The following NEDD1 variants were observed in gnomAD, a reference collection of about 807,000 sequenced individuals.
The protein encoded by NEDD1 is protein NEDD1.
A neutral mutation model predicts 74.0 loss-of-function variants in NEDD1; 33 were observed. The ratio of observed to expected loss-of-function variants is 0.45; its 90% CI spans 0.34 to 0.60. The LOEUF is 0.60. Among genes scored for constraint, NEDD1 ranks in the 20% least tolerant of loss-of-function variants. The probability of loss-of-function intolerance (pLI) is 0.01; values close to 1 mark genes in which losing one functional copy is unlikely to be tolerated. For missense variants in NEDD1, 746 were observed against 776.5 expected (o/e 0.96, Z 0.47); for synonymous variants, 250 against 264.4 (o/e 0.95, Z 0.53).
intron 8 of NEDD1, among the ~76,000 whole-genome samples, 191 bp downstream of exon 8, chr12:96,937,003 T>TC (rs1242361517): frequency 2.0e-5 from 3 of 152,030 alleles, no homozygotes; most frequent in Non-Finnish European, 4.4e-5. Context: ...CTTTTTTTTT[T>TC]CTCCTTATAT....
intron 6 of NEDD1, among the ~76,000 whole-genome samples, chr12:96,923,560 G>T (rs1791622124): frequency 6.6e-6 from 1 of 152,020 alleles, no homozygotes; most frequent in African/African-American, 2.4e-5. Context: ...CTGTCTCATG[G>T]TGGTTTTAAT....
intron 6 of NEDD1, among the ~76,000 whole-genome samples, chr12:96,927,433 C>T (rs249571): frequency 0.51 from 76,948 of 152,072 alleles, 20,047 homozygotes; most frequent in African/African-American, 0.62. Flanking sequence ...GCAGAACTCC[C>T]GGGCTGACAG....
chr12:96,927,196 C>A (rs1875807281), intron 6 of NEDD1, among the ~76,000 whole-genome samples: 1 of 152,104 alleles, frequency 6.6e-6, no homozygotes, highest in African/African-American at 2.4e-5. Context: ...CTTCTATGAA[C>A]AATCACAAAT....
In NEDD1 at chr12:96,917,500, A is replaced by T; in HGVS notation, c.232-121A>T. ...AGTGGCTCTTTAGTACAAGATTAGC[A>T]TGTTTATAGTATTTAATTTAACCAA... On this transcript the variant is annotated intron_variant, in intron 4 of 15. Coordinates refer to ENST00000266742, the MANE Select transcript of NEDD1 (RefSeq NM_152905.4). 4 of 1,131,804 alleles carry T rather than the reference A, an allele frequency of 3.5e-6. No homozygotes were observed. In the South Asian group the frequency reaches 9.3e-5, roughly 26 times the overall value. The allele number at this position is 1,131,804 out of a possible 1,614,324, so 70.1% of individuals were successfully genotyped here.
rs1189296180 is a variant in NEDD1 at position 96,943,543 on chromosome 12, GT to G, written c.1295-12del. 6.2e-7 allele frequency: 1 copy of G among 1,601,216 alleles called. No homozygotes were observed. The highest frequency in any genetic ancestry group is 8.5e-7 in the Non-Finnish European group (1 of 1,169,798). ...TTGGAGGACACCATATGCACATGCAGTTTTTCCCTTTTCCAGGCTTTGACTT... is the reference window on the plus strand; with the variant it reads ...TTGGAGGACACCATATGCACATGCAGTTTTCCCTTTTCCAGGCTTTGACTT... On this transcript the variant is annotated splice_polypyrimidine_tract_variant and intron_variant, in intron 11 of 15. Coordinates refer to ENST00000266742, the MANE Select transcript of NEDD1 (RefSeq NM_152905.4).
chr12:96,934,324 T>C (rs1456308327), intron 6 of NEDD1, among the ~76,000 whole-genome samples: 10 of 151,986 alleles, frequency 6.6e-5, no homozygotes, highest in African/African-American at 2.4e-4. Context: ...CAATGTATTA[T>C]ATTTTTCCTC....
intron 14 of NEDD1, among the ~76,000 whole-genome samples, chr12:96,951,059 C>A (rs1235495871): frequency 6.6e-6 from 1 of 151,752 alleles, no homozygotes; most frequent in African/African-American, 2.4e-5. Flanking sequence ...ATGACAATTT[C>A]TATATAAAGG....
intron 6 of NEDD1, among the ~76,000 whole-genome samples, chr12:96,930,076 G>C (rs1876214129): frequency 6.6e-6 from 1 of 151,522 alleles, no homozygotes; most frequent in Non-Finnish European, 1.5e-5. Flanking sequence ...GGTTCATGGG[G>C]ATACCTCATC....
At chr12:96,950,430 G>A (rs1285688866) in intron 14 of NEDD1, among the ~76,000 whole-genome samples, 3 of 151,898 alleles carry the variant, frequency 2.0e-5, no homozygotes, top group African/African-American at 7.2e-5. Flanking sequence ...TGTGGGTTTG[G>A]AGATAATACA....
chr12:96,940,824 TC>T (rs1254019501), intron 10 of NEDD1, among the ~76,000 whole-genome samples: 1 of 152,036 alleles, frequency 6.6e-6, no homozygotes, highest in East Asian at 1.9e-4. Context: ...AGGCAATCTG[TC>T]CCTTGTATCT....
chr12:96,946,921 T>C (rs1592933361), intron 14 of NEDD1, among the ~76,000 whole-genome samples: 2 of 152,326 alleles, frequency 1.3e-5, no homozygotes, highest in East Asian at 1.9e-4. Flanking sequence ...GAAGTACTTA[T>C]TTTGTGATTA....
intron 4 of NEDD1, among the ~76,000 whole-genome samples, 167 bp downstream of exon 4, chr12:96,912,984 C>G (rs962118989): frequency 5.9e-5 from 9 of 152,144 alleles, no homozygotes; most frequent in Non-Finnish European, 1.3e-4. Flanking sequence ...TGTGTACTTA[C>G]TAAAGTATTT....
Position 96,940,441 on chromosome 12 carries a change from T to C in NEDD1, c.1150T>C (p.Ser384Pro). Residue 384 changes from serine (S) to proline (P), a missense_variant, in exon 10 of 16, where the codon TCT becomes CCT. Physicochemically the swap from Ser to Pro is moderately conservative, Grantham distance 74 (BLOSUM62 -1). This residue lies in a region of NEDD1 where 706 missense variants were observed against 706.7 expected (regional missense o/e 1.00). Coordinates refer to ENST00000266742, the MANE Select transcript of NEDD1 (RefSeq NM_152905.4). ...TCGAAGCATAAACACAGACACTTTA[T>C]CTAAGGAAACAGACAGTGGAAAAAA... ...LPRSINTDTLSKETDSGKNQD... is the reference protein window; with the variant it reads ...LPRSINTDTLPKETDSGKNQD... The C allele has an allele frequency of 6.2e-7, 1 of 1,601,848 alleles. No individual in the cohort carries two copies. The highest frequency in any genetic ancestry group is 1.3e-5 in the African/African-American group (1 of 74,688).
intron 6 of NEDD1, among the ~76,000 whole-genome samples, chr12:96,926,155 A>C (rs1027521176): frequency 6.6e-6 from 1 of 152,134 alleles, no homozygotes; most frequent in African/African-American, 2.4e-5. Flanking sequence ...CCATTAAAAT[A>C]CCTTTTGTGA....
intron 6 of NEDD1, among the ~76,000 whole-genome samples, chr12:96,930,400 G>A (rs1304839092): frequency 2.0e-5 from 3 of 152,260 alleles, no homozygotes; most frequent in Admixed American, 1.3e-4. Context: ...AGTGCATGGG[G>A]TGAAGGCCAT....
chr12:96,936,571 C>T (rs1328305680), intron 7 of NEDD1, 40 bp from the exon 8 acceptor site: 3 of 1,399,264 alleles, frequency 2.1e-6, no homozygotes, highest in Non-Finnish European at 3.0e-6. Context: ...TACCTGTACA[C>T]ACTAACATTT....
chr12:96,922,353 A>C (rs1875193725), intron 6 of NEDD1, among the ~76,000 whole-genome samples: 1 of 152,210 alleles, frequency 6.6e-6, no homozygotes, highest in South Asian at 2.1e-4. Context: ...ACTATTGTGA[A>C]AAAAATCATT....
At chr12:96,914,171 C>T (rs929563971) in intron 4 of NEDD1, among the ~76,000 whole-genome samples, 14 of 152,188 alleles carry the variant, frequency 9.2e-5, no homozygotes, top group Non-Finnish European at 1.9e-4. Context: ...GCAGGCAAAA[C>T]ATCTTAACCA....
chr12:96,909,032 C>T (rs948355888), intron 2 of NEDD1, among the ~76,000 whole-genome samples: 7 of 151,774 alleles, frequency 4.6e-5, no homozygotes, highest in Admixed American at 2.0e-4. Flanking sequence ...CAAAATTAGC[C>T]GGGTGTGGTG....
Sources: gnomAD v4.1 joint callset for allele counts (sites outside exome capture counted in the v4.1 genomes callset) on GRCh38, gnomAD v4.1.1 for gene constraint, gnomAD v4.1.1 regional missense constraint, MANE v1.5 for transcripts, NCBI Gene and HGNC (gene_info 2026-07-23, HGNC 2026-07-21) for gene names.